Variants in ZNF536 observed in about 807,000 individuals in gnomAD.
ZNF536 encodes the protein zinc finger protein 536.
Under a neutral mutation model 84.5 loss-of-function variants are expected in ZNF536, and 13 were observed. The observed-to-expected ratio is 0.15, with a 90% CI of 0.10 to 0.24. The LOEUF is 0.24. Ranked by LOEUF, ZNF536 falls within the 10% of genes least tolerant of loss-of-function variation. The probability of loss-of-function intolerance (pLI) is 1.00; values close to 1 mark genes in which losing one functional copy is unlikely to be tolerated. For missense variants in ZNF536, 1,536 were observed against 1,747.5 expected (o/e 0.88, Z 2.16); for synonymous variants, 811 against 742.5 (o/e 1.09, Z -1.50).
chr19:30,605,061 AT>A (rs1568595595), intron 1 of ZNF536, among the ~76,000 whole-genome samples: 1 of 152,170 alleles, frequency 6.6e-6, no homozygotes, highest in Non-Finnish European at 1.5e-5. Context: ...GGGTCTCATT[AT>A]CCCCATTTTA....
chr19:30,611,157 G>T, intron 1 of ZNF536, among the ~76,000 whole-genome samples: 1 of 152,100 alleles, frequency 6.6e-6, no homozygotes, highest in East Asian at 1.9e-4. Context: ...ACCCTCTGGG[G>T]GTAGAATAAG....
intron 1 of ZNF536, among the ~76,000 whole-genome samples, chr19:30,571,937 G>A (rs183129409): frequency 1.7e-3 from 259 of 152,284 alleles, no homozygotes; most frequent in African/African-American, 5.9e-3. Flanking sequence ...ACAAGGGGTG[G>A]TCTTGTTTTC....
chr19:30,683,828 C>G lies in ZNF536; in HGVS notation c.170-26929C>G, dbSNP rs573050795. Among the ~76,000 whole-genome samples, 6 of 152,346 alleles carry G rather than the reference C, an allele frequency of 3.9e-5. No homozygotes were observed. The South Asian group carries it at 1.2e-3, about 32-fold the overall frequency. On this transcript the variant is annotated intron_variant, in intron 1 of 1. Coordinates refer to the ZNF536 transcript ENST00000592773. ...TCATCCCATTCTGTAACACCTTAGA[C>G]AGGAGGGGCTGTACCTTAGACATGC...
chr19:30,289,793 C>T (rs1285289083), intron 2 of ZNF536, among the ~76,000 whole-genome samples: 1 of 152,204 alleles, frequency 6.6e-6, no homozygotes, highest in Non-Finnish European at 1.5e-5. Context: ...GCCAAGGCTA[C>T]AGCCTGTGAG....
chr19:30,658,077 C>T (rs2049982364), intron 1 of ZNF536, among the ~76,000 whole-genome samples: 1 of 149,330 alleles, frequency 6.7e-6, no homozygotes. Context: ...GGCTGGAGTG[C>T]AGTGGCGCAA....
intron 1 of ZNF536, among the ~76,000 whole-genome samples, chr19:30,395,560 A>T (rs930318223): frequency 2.0e-5 from 3 of 152,174 alleles, no homozygotes; most frequent in African/African-American, 7.2e-5. Context: ...GGGAGGTTCC[A>T]TATGTTGCGC....
chr19:30,474,465 A>T (rs578056912), intron 2 of ZNF536, among the ~76,000 whole-genome samples: 9 of 151,366 alleles, frequency 5.9e-5, no homozygotes, highest in African/African-American at 2.2e-4. Flanking sequence ...CCTTTTCCCC[A>T]CCTCCTCCAG....
chr19:30,237,162 T>C lies in ZNF536; in HGVS notation c.-190+8489T>C, dbSNP rs1348561404. ...GGAGTCTGTTGTTAAGAAAACTTTT[T>C]CTCCCTTTGCATGATAATATTGCTC... On this transcript the variant is annotated intron_variant, in intron 1 of 5. Transcript: ENST00000585628. Among the ~76,000 whole-genome samples, 4 of 152,214 alleles carry C rather than the reference T, an allele frequency of 2.6e-5. No individual in the cohort carries two copies. In the East Asian group the frequency reaches 7.7e-4, roughly 29 times the overall value.
chr19:30,277,613 G>T (rs1298035533), intron 1 of ZNF536, among the ~76,000 whole-genome samples: 4 of 152,224 alleles, frequency 2.6e-5, no homozygotes, highest in African/African-American at 4.8e-5. Context: ...GGTGGCAACT[G>T]CTGTCTACCT....
At chr19:30,504,474 T>TCCTCTCTCCCTTCCTCCCTCCCAC (rs2055082040) in intron 2 of ZNF536, among the ~76,000 whole-genome samples, 1 of 93,380 alleles carries the variant, frequency 1.1e-5, no homozygotes, top group Non-Finnish European at 2.1e-5. Flanking sequence ...CTCCCTCCCA[T>TCCTCTCTCCCTTCCTCCCTCCCAC]CCTCTCTCCC....
intron 1 of ZNF536, among the ~76,000 whole-genome samples, chr19:30,593,521 A>C (rs1414659204): frequency 6.6e-6 from 1 of 152,120 alleles, no homozygotes; most frequent in Non-Finnish European, 1.5e-5. Context: ...GAAATGGAGC[A>C]TTTCCTAAAA....
chr19:30,565,310 C>G (rs1469638049), intron 1 of ZNF536, among the ~76,000 whole-genome samples: 1 of 152,060 alleles, frequency 6.6e-6, no homozygotes, highest in African/African-American at 2.4e-5. Flanking sequence ...CATCTACTTA[C>G]CCGGGGAGAG....
intron 1 of ZNF536, among the ~76,000 whole-genome samples, chr19:30,385,578 T>A (rs1357403193): frequency 6.6e-6 from 1 of 151,592 alleles, no homozygotes; most frequent in East Asian, 2.0e-4. Context: ...CATCCGGACT[T>A]GACATTCAAG....
intron 1 of ZNF536, among the ~76,000 whole-genome samples, chr19:30,420,383 C>T (rs773686582): frequency 1.3e-5 from 2 of 152,104 alleles, no homozygotes; most frequent in African/African-American, 2.4e-5. Flanking sequence ...CCATTCTTTC[C>T]GGAAAGCTCC....
chr19:30,400,593 A>G (rs968128653), intron 1 of ZNF536, among the ~76,000 whole-genome samples: 3 of 152,220 alleles, frequency 2.0e-5, no homozygotes, highest in African/African-American at 7.2e-5. Flanking sequence ...ACAAGGTCTC[A>G]CTTTGTCGCC....
intron 3 of ZNF536, among the ~76,000 whole-genome samples, chr19:30,547,565 C>T (rs1435712050): frequency 5.3e-5 from 8 of 152,176 alleles, no homozygotes; most frequent in Non-Finnish European, 7.4e-5. Flanking sequence ...ATTGTATACA[C>T]AAAATATTGC....
intron 1 of ZNF536, among the ~76,000 whole-genome samples, chr19:30,388,291 G>A (rs1029157454): frequency 6.6e-6 from 1 of 152,324 alleles, no homozygotes; most frequent in Admixed American, 6.5e-5. Flanking sequence ...TCTTGGTGCT[G>A]TTGAGGGAGG....
intron 1 of ZNF536, among the ~76,000 whole-genome samples, chr19:30,434,934 GTGATGATGGTGATAA>G (rs1241156496): frequency 6.7e-6 from 1 of 148,508 alleles, no homozygotes; most frequent in Non-Finnish European, 1.5e-5. Context: ...GCTGATGATG[GTGATGATGGTGATAA>G]TGATGATGGT....
chr19:30,710,466 G>A (rs988512156), intron 1 of ZNF536, among the ~76,000 whole-genome samples: 2 of 152,294 alleles, frequency 1.3e-5, no homozygotes, highest in East Asian at 3.9e-4. Context: ...CTTGAGCCCA[G>A]GAGTTTGAGG....
Sources: gnomAD v4.1 joint callset for allele counts (sites outside exome capture counted in the v4.1 genomes callset) on GRCh38, gnomAD v4.1.1 for gene constraint, MANE v1.5 for transcripts, NCBI Gene and HGNC (gene_info 2026-07-23, HGNC 2026-07-21) for gene names.